Variants in WWOX observed in about 807,000 individuals in gnomAD.
WWOX encodes WW domain containing oxidoreductase.
Under a neutral mutation model 46.2 loss-of-function variants are expected in WWOX, and 69 were observed. That is an observed-to-expected ratio of 1.49 (90% CI 1.23 to 1.82). The LOEUF (loss-of-function observed/expected upper bound fraction) is 1.82. Ranked by LOEUF, WWOX falls within the 40% of genes most tolerant of loss-of-function variation. The pLI is 0.00. For missense variants in WWOX, 919 were observed against 542.6 expected, an observed-to-expected ratio of 1.69 and a Z score of -6.89; for synonymous variants, 359 against 202.6, an observed-to-expected ratio of 1.77 and a Z score of -6.56.
At position 78,323,938 on chromosome 16, in the gene WWOX, G is replaced by C. The variant is rs369643492; in HGVS notation, c.517-62922G>C. ...ATAAGCATAGATGCCCCTTTACTGAGCAGCAGCTGGGTGCTGGGCACTGTG... is the reference window on the plus strand; with the variant it reads ...ATAAGCATAGATGCCCCTTTACTGACCAGCAGCTGGGTGCTGGGCACTGTG... On this transcript the variant is annotated intron_variant, in intron 5 of 8. Transcript: ENST00000566780. Among the ~76,000 whole-genome samples, 25 of 152,272 alleles carry C rather than the reference G, an allele frequency of 1.6e-4. No individual in the cohort carries two copies. In the South Asian group the frequency reaches 4.8e-3, roughly 29 times the overall value.
At chr16:78,665,696 G>A (rs1409447180) in intron 8 of WWOX, among the ~76,000 whole-genome samples, 1 of 152,084 alleles carries the variant, frequency 6.6e-6, no homozygotes, top group Non-Finnish European at 1.5e-5. Context: ...GTGCTTCTCT[G>A]ATGTGGCTTT....
At chr16:78,671,749 T>A (rs1242291702) in intron 8 of WWOX, among the ~76,000 whole-genome samples, 1 of 152,226 alleles carries the variant, frequency 6.6e-6, no homozygotes, top group Non-Finnish European at 1.5e-5. Context: ...AATGCTATTA[T>A]TTAGAACATA....
chr16:78,345,140 G>A (rs2081072519), intron 5 of WWOX, among the ~76,000 whole-genome samples: 1 of 118,314 alleles, frequency 8.5e-6, no homozygotes, highest in African/African-American at 2.9e-5. Flanking sequence ...TGACTGTCAA[G>A]TCGATCAGGT....
chr16:78,408,213 C>T (rs1408562390), intron 6 of WWOX, among the ~76,000 whole-genome samples: 3 of 152,184 alleles, frequency 2.0e-5, no homozygotes, highest in Non-Finnish European at 4.4e-5. Flanking sequence ...TCTGATTGAT[C>T]CCCACCTTTC....
intron 5 of WWOX, among the ~76,000 whole-genome samples, chr16:78,340,470 AT>A (rs2080993096): frequency 8.3e-6 from 1 of 120,246 alleles, no homozygotes; most frequent in Non-Finnish European, 2.0e-5. Flanking sequence ...CAGCCTCCCA[AT>A]GTGCTAGGAT....
intron 8 of WWOX, among the ~76,000 whole-genome samples, chr16:78,652,138 G>A (rs1054921349): frequency 6.6e-5 from 10 of 151,750 alleles, no homozygotes; most frequent in East Asian, 1.9e-4. Context: ...GGGGCTGGGC[G>A]TGGTGGCTCA....
At chr16:78,763,963 T>C (rs2049861761) in intron 8 of WWOX, among the ~76,000 whole-genome samples, 1 of 152,156 alleles carries the variant, frequency 6.6e-6, no homozygotes, top group Non-Finnish European at 1.5e-5. Flanking sequence ...ACTCTCCCTC[T>C]GCCCCACATC....
intron 8 of WWOX, chr16:79,204,998 T>C (rs757562332): frequency 6.6e-6 from 1 of 152,212 alleles, no homozygotes; most frequent in Non-Finnish European, 1.5e-5. Flanking sequence ...GAGAATGGCA[T>C]GGCCTTTGTA....
rs146161671 is a variant in WWOX, at chr16:78,102,600, A to G, written c.107+2715A>G. ...ATCTGTTGGGGAAAGGCTCCTTCTC[A>G]TCCTTCAGAGCTGAGCTTACATGTC... On this transcript the variant is annotated intron_variant, in intron 1 of 8. Coordinates refer to ENST00000566780, the MANE Select transcript of WWOX (RefSeq NM_016373.4). Among the ~76,000 whole-genome samples the G allele has an allele frequency of 2.7e-3, 418 of 152,324 alleles. 1 individual carries two copies. Among genetic ancestry groups the G allele is most frequent in the Non-Finnish European group, 4.5e-3 (307 of 68,026 alleles).
intron 8 of WWOX, among the ~76,000 whole-genome samples, chr16:78,734,738 C>T (rs143668049): frequency 6.6e-6 from 1 of 151,090 alleles, no homozygotes; most frequent in African/African-American, 2.4e-5. Context: ...TCTCAAGTGC[C>T]TGAGCTTCGT....
chr16:79,053,348 A>G lies in WWOX; in HGVS notation c.1057-158260A>G, dbSNP rs544530324. ...TTTAATGTGATTCCTGCATCCCAGC[A>G]ACGTGGCCCTGCTTCTTAGTGCGCA... On this transcript the variant is annotated intron_variant, in intron 8 of 8. Coordinates refer to ENST00000566780, the MANE Select transcript of WWOX (RefSeq NM_016373.4). 5.3e-5 allele frequency among the ~76,000 whole-genome samples: 8 copies of G among 152,338 alleles called. No individual in the cohort carries two copies. In the South Asian group the frequency reaches 1.7e-3, roughly 32 times the overall value.
chr16:78,784,064 C>G (rs576396406), intron 8 of WWOX, among the ~76,000 whole-genome samples: 2 of 152,014 alleles, frequency 1.3e-5, no homozygotes, highest in East Asian at 3.9e-4. Flanking sequence ...TCAACAGATA[C>G]CATGTACTGA....
chr16:78,713,271 C>G (rs1166268080), intron 8 of WWOX, among the ~76,000 whole-genome samples: 17 of 72,440 alleles, frequency 2.3e-4, no homozygotes, highest in Non-Finnish European at 6.7e-5. Context: ...GAGACTCTGT[C>G]TCAAAAAAAA....
chr16:78,103,242 G>GTTT (rs74264852), intron 1 of WWOX, among the ~76,000 whole-genome samples: 1 of 142,642 alleles, frequency 7.0e-6, no homozygotes, highest in African/African-American at 2.7e-5. Flanking sequence ...TGGCTCCGCT[G>GTTT]TTTTTTTTTT....
intron 8 of WWOX, among the ~76,000 whole-genome samples, chr16:78,609,993 G>A (rs188910241): frequency 1.9e-3 from 247 of 132,058 alleles, no homozygotes; most frequent in African/African-American, 7.0e-3. Context: ...TAACAGTGAC[G>A]CAAACGACCT....
chr16:78,728,900 G>C (rs1401641927), intron 8 of WWOX, among the ~76,000 whole-genome samples: 1 of 152,176 alleles, frequency 6.6e-6, no homozygotes, highest in Non-Finnish European at 1.5e-5. Context: ...ACTATGCATA[G>C]ATCACCTAAT....
chr16:78,711,254 G>A (rs1470848342), intron 8 of WWOX, among the ~76,000 whole-genome samples: 2 of 152,194 alleles, frequency 1.3e-5, no homozygotes, highest in Admixed American at 6.5e-5. Flanking sequence ...TCAAAGTGAT[G>A]TGGATGTATA....
rs762779626 is a variant in WWOX, at chr16:78,611,114, A to C, written c.1056+178362A>C. Among the ~76,000 whole-genome samples, 13 of 152,334 alleles carry C rather than the reference A, an allele frequency of 8.5e-5. 1 individual carries two copies. In the East Asian group the frequency reaches 1.9e-3, roughly 23 times the overall value. On this transcript the variant is annotated intron_variant, in intron 8 of 8. Transcript: ENST00000566780. ...TGTGTGTGGTCACCAAAGCATAATG[A>C]CAAGTTGTTCATCATTTAATTAGAG...
intron 8 of WWOX, among the ~76,000 whole-genome samples, chr16:79,031,259 G>A (rs1265284244): frequency 6.6e-6 from 1 of 152,162 alleles, no homozygotes; most frequent in Admixed American, 6.5e-5. Context: ...GAGCCCACGT[G>A]TGGGGTGCTG....
Sources: allele counts gnomAD v4.1 joint callset (sites outside exome capture counted in the v4.1 genomes callset), GRCh38; gene constraint gnomAD v4.1.1; transcripts MANE v1.5; gene names NCBI Gene and HGNC (gene_info 2026-07-23, HGNC 2026-07-21).